The following CADPS variants were observed in gnomAD, a reference collection of about 807,000 sequenced individuals.
The protein encoded by CADPS is calcium dependent secretion activator.
A neutral mutation model predicts 167.3 loss-of-function variants in CADPS; 57 were observed. That is an observed-to-expected ratio of 0.34 (90% CI 0.28 to 0.42). The LOEUF is 0.42. Ranked by LOEUF, CADPS falls within the 20% of genes least tolerant of loss-of-function variation. CADPS has a pLI of 1.00. For synonymous variants in CADPS, 676 were observed against 635.3 expected, an observed-to-expected ratio of 1.06 and a Z score of -0.96; for missense variants, 1,414 against 1,738.1, an observed-to-expected ratio of 0.81 and a Z score of 3.32.
At chr3:62,723,115 A>C (rs551265386) in intron 3 of CADPS, among the ~76,000 whole-genome samples, 45 of 152,326 alleles carry the variant, frequency 3.0e-4, no homozygotes, top group African/African-American at 1.0e-3. Context: ...TTTAAGAAAA[A>C]GGAGCAGATG....
At chr3:62,660,420 C>G (rs115180119) in intron 4 of CADPS, among the ~76,000 whole-genome samples, 19 of 152,254 alleles carry the variant, frequency 1.2e-4, no homozygotes, top group Non-Finnish European at 2.4e-4. Flanking sequence ...GATTTTAAAG[C>G]GTAACCTTTT....
intron 6 of CADPS, among the ~76,000 whole-genome samples, chr3:62,643,398 A>G (rs2067848515): frequency 1.3e-5 from 2 of 152,230 alleles, no homozygotes; most frequent in African/African-American, 4.8e-5. Flanking sequence ...CAACCAACCT[A>G]CTGACTGAAG....
intron 9 of CADPS, among the ~76,000 whole-genome samples, chr3:62,565,474 G>GGTGGTCCTTT (rs1321286791): frequency 6.6e-6 from 1 of 152,160 alleles, no homozygotes; most frequent in Non-Finnish European, 1.5e-5. Flanking sequence ...ACCTGCATCA[G>GGTGGTCCTTT]TATCTCCTGG....
At chr3:62,482,452 T>G (rs1378165796) in intron 21 of CADPS, among the ~76,000 whole-genome samples, 1 of 152,208 alleles carries the variant, frequency 6.6e-6, no homozygotes, top group Non-Finnish European at 1.5e-5. Context: ...GGCAATGGCA[T>G]GTCAGTTGAT....
intron 16 of CADPS, among the ~76,000 whole-genome samples, chr3:62,513,372 A>G (rs1361681293): frequency 6.6e-6 from 1 of 152,100 alleles, no homozygotes; most frequent in African/African-American, 2.4e-5. Flanking sequence ...GTAAAAATGC[A>G]TTCAGGTCAC....
Position 62,753,298 on chromosome 3 carries a change from TAA to T in CADPS, c.888+141_888+142del. 1.6e-6 allele frequency: 1 copy of T among 627,310 alleles called. No homozygotes were observed. The highest frequency in any genetic ancestry group is 2.8e-6 in the Non-Finnish European group (1 of 363,510). 38.9% of individuals were successfully genotyped at this position (627,310 alleles called of 1,614,324 possible). On this transcript the variant is annotated intron_variant, in intron 3 of 29. Coordinates refer to ENST00000383710, the MANE Select transcript of CADPS (RefSeq NM_003716.4). This position sits in a 1 kb window ranked among gnomAD's most constrained non-coding sequence, Gnocchi z 4.6. ...AGAAAAGCATGAATATACTCCAGCC[TAA>T]ACTGTATTCAACTTTTTACCAGTAG...
intron 3 of CADPS, among the ~76,000 whole-genome samples, chr3:62,743,437 A>G (rs1355607112): frequency 2.0e-5 from 3 of 152,104 alleles, no homozygotes; most frequent in Admixed American, 1.3e-4. Flanking sequence ...ATATTTACCA[A>G]CTCCTAGTTT....
At chr3:62,857,203 T>C (rs1379389333) in intron 1 of CADPS, among the ~76,000 whole-genome samples, 1 of 151,944 alleles carries the variant, frequency 6.6e-6, no homozygotes, top group Non-Finnish European at 1.5e-5. Context: ...AGACAATAAA[T>C]ATGTAAAAAA....
intron 11 of CADPS, among the ~76,000 whole-genome samples, chr3:62,541,118 T>A (rs1480752632): frequency 6.6e-6 from 1 of 152,170 alleles, no homozygotes; most frequent in Admixed American, 6.6e-5. Context: ...GGGAGATGCA[T>A]CCTAATGCTC....
At chr3:62,733,311 G>C (rs2078301907) in intron 3 of CADPS, among the ~76,000 whole-genome samples, 1 of 152,214 alleles carries the variant, frequency 6.6e-6, no homozygotes, top group South Asian at 2.1e-4. Flanking sequence ...TGAAGGCAAA[G>C]ATGCCAGAAG....
At chr3:62,576,524 C>T (rs1171121637) in intron 8 of CADPS, among the ~76,000 whole-genome samples, 2 of 151,542 alleles carry the variant, frequency 1.3e-5, no homozygotes, top group Admixed American at 6.6e-5. Context: ...CTCACGGTGG[C>T]TCACACCTGT....
At chr3:62,530,385 C>T (rs1250167860) in intron 13 of CADPS, among the ~76,000 whole-genome samples, 1 of 152,154 alleles carries the variant, frequency 6.6e-6, no homozygotes, top group Non-Finnish European at 1.5e-5. Context: ...CAATCTGACT[C>T]ACAATTCTGT....
intron 3 of CADPS, among the ~76,000 whole-genome samples, chr3:62,692,347 T>G (rs1389060017): frequency 6.7e-6 from 1 of 150,274 alleles, no homozygotes; most frequent in Admixed American, 6.7e-5. Context: ...AACCATTTAG[T>G]CCAGAGAAAG....
chr3:62,835,274 C>G (rs2075732811), intron 1 of CADPS, among the ~76,000 whole-genome samples: 2 of 152,082 alleles, frequency 1.3e-5, no homozygotes, highest in Non-Finnish European at 2.9e-5. Context: ...TTGCAGGCTA[C>G]CTTGCAGCAA....
intron 22 of CADPS, 25 bp downstream of exon 22, chr3:62,481,698 G>A (rs762244117): frequency 9.6e-6 from 15 of 1,556,028 alleles, no homozygotes; most frequent in Admixed American, 4.4e-5. Flanking sequence ...ATTTAAATGA[G>A]ATCTAATGTG....
intron 8 of CADPS, among the ~76,000 whole-genome samples, chr3:62,571,541 G>A (rs776776181): frequency 3.3e-5 from 5 of 151,760 alleles, no homozygotes; most frequent in African/African-American, 4.8e-5. Flanking sequence ...GCTCAAAGCC[G>A]TCCGGACATG....
chr3:62,450,544 T>C (rs1251171943), intron 26 of CADPS, among the ~76,000 whole-genome samples: 1 of 152,212 alleles, frequency 6.6e-6, no homozygotes, highest in Non-Finnish European at 1.5e-5. Flanking sequence ...CCCTGCTTTC[T>C]GACCATCCCC....
At chr3:62,556,736 T>G (rs2078215160) in intron 10 of CADPS, among the ~76,000 whole-genome samples, 1 of 151,894 alleles carries the variant, frequency 6.6e-6, no homozygotes, top group Non-Finnish European at 1.5e-5. Context: ...GGGGGCAGGA[T>G]GTAGAACTTA....
intron 4 of CADPS, among the ~76,000 whole-genome samples, chr3:62,652,210 C>T (rs1310922008): frequency 2.0e-5 from 3 of 151,770 alleles, no homozygotes; most frequent in African/African-American, 7.3e-5. Context: ...GTCTTTCATC[C>T]CCAAATTCTC....
Sources: gnomAD v4.1 joint callset for allele counts (sites outside exome capture counted in the v4.1 genomes callset) on GRCh38, gnomAD v4.1.1 for gene constraint, Gnocchi (gnomAD v3.1) non-coding constraint, MANE v1.5 for transcripts, NCBI Gene and HGNC (gene_info 2026-07-23, HGNC 2026-07-21) for gene names.